MACROD2: variants seen among roughly 807,000 people sequenced by gnomAD.
MACROD2 encodes mono-ADP ribosylhydrolase 2.
A neutral mutation model predicts 70.4 loss-of-function variants in MACROD2; 36 were observed. That is an observed-to-expected ratio of 0.51 (90% CI 0.39 to 0.68). The LOEUF is 0.68. MACROD2 is among the 30% of genes least tolerant of loss of function. The pLI, the probability that MACROD2 is intolerant of heterozygous loss-of-function variation, is 0.00. For missense variants in MACROD2, 496 were observed against 538.4 expected, an observed-to-expected ratio of 0.92 and a Z score of 0.78; for synonymous variants, 172 against 178.8, an observed-to-expected ratio of 0.96 and a Z score of 0.30.
At chr20:15,360,732 C>A (rs944798200) in intron 6 of MACROD2, among the ~76,000 whole-genome samples, 2 of 152,068 alleles carry the variant, frequency 1.3e-5, no homozygotes, top group Non-Finnish European at 2.9e-5. Context: ...CAGCGTTCTT[C>A]CCCCTACCTG....
intron 8 of MACROD2, among the ~76,000 whole-genome samples, chr20:15,737,258 A>G (rs1207199051): frequency 6.6e-6 from 1 of 152,234 alleles, no homozygotes; most frequent in East Asian, 1.9e-4. Context: ...AAAGCTCTAA[A>G]CACTAGTTGG....
chr20:14,324,125 T>G (rs1039771114), intron 3 of MACROD2: 4 of 152,606 alleles, frequency 2.6e-5, no homozygotes, highest in African/African-American at 7.2e-5. Context: ...CAAGCACAAT[T>G]ATTCTGTACT....
intron 3 of MACROD2, among the ~76,000 whole-genome samples, chr20:14,151,757 G>C (rs984267899): frequency 6.8e-6 from 1 of 146,262 alleles, no homozygotes; most frequent in Admixed American, 6.8e-5. Flanking sequence ...TTGAATAATA[G>C]CTTTAGGATC....
intron 3 of MACROD2, among the ~76,000 whole-genome samples, chr20:14,348,443 A>C (rs1389448045): frequency 6.6e-6 from 1 of 152,100 alleles, no homozygotes; most frequent in Non-Finnish European, 1.5e-5. Flanking sequence ...TGTGTTATCT[A>C]CTAAATAGTG....
intron 5 of MACROD2, among the ~76,000 whole-genome samples, chr20:15,222,712 CTGTT>C (rs1309717310): frequency 6.6e-6 from 1 of 152,210 alleles, no homozygotes; most frequent in Non-Finnish European, 1.5e-5. Context: ...CTTGGTCTGA[CTGTT>C]CATTAACAGT....
intron 8 of MACROD2, among the ~76,000 whole-genome samples, chr20:15,643,413 A>G (rs983968833): frequency 6.6e-6 from 1 of 152,216 alleles, no homozygotes; most frequent in African/African-American, 2.4e-5. Context: ...ACTTTCTTTG[A>G]CCACTATAAT....
chr20:14,069,042 G>A (rs1393266627), intron 2 of MACROD2, among the ~76,000 whole-genome samples: 1 of 152,082 alleles, frequency 6.6e-6, no homozygotes, highest in Admixed American at 6.5e-5. Flanking sequence ...TCTGCTGCCT[G>A]GGTTCAAGCG....
At chr20:14,819,542 T>A (rs2072815999) in intron 5 of MACROD2, among the ~76,000 whole-genome samples, 1 of 151,996 alleles carries the variant, frequency 6.6e-6, no homozygotes, top group South Asian at 2.1e-4. Flanking sequence ...TCATACAGCT[T>A]ACCATCCGGT....
chr20:14,818,776 T>C (rs1188404927), intron 5 of MACROD2, among the ~76,000 whole-genome samples: 1 of 151,014 alleles, frequency 6.6e-6, no homozygotes, highest in Non-Finnish European at 1.5e-5. Context: ...ATAATAATTT[T>C]TCCAAATAGT....
intron 5 of MACROD2, among the ~76,000 whole-genome samples, chr20:15,022,226 C>T (rs2122969635): frequency 6.6e-6 from 1 of 152,204 alleles, no homozygotes; most frequent in South Asian, 2.1e-4. Context: ...GGTTGTATCC[C>T]TATGTTACAC....
intron 5 of MACROD2, among the ~76,000 whole-genome samples, chr20:15,214,786 A>G (rs1302013489): frequency 6.6e-6 from 1 of 152,182 alleles, no homozygotes; most frequent in Non-Finnish European, 1.5e-5. Flanking sequence ...CTTCAGGAGG[A>G]GATAAGCAGT....
chr20:14,361,277 A>T (rs778410669), intron 3 of MACROD2, among the ~76,000 whole-genome samples: 1 of 152,074 alleles, frequency 6.6e-6, no homozygotes, highest in African/African-American at 2.4e-5. Flanking sequence ...TTTTGCTTCC[A>T]TTTTTAAATC....
At chr20:15,307,936 C>G (rs892906096) in intron 6 of MACROD2, among the ~76,000 whole-genome samples, 1 of 136,550 alleles carries the variant, frequency 7.3e-6, no homozygotes, top group Non-Finnish European at 1.6e-5. Flanking sequence ...TAGGATATCC[C>G]TAATTTTGAT....
At chr20:15,138,039 C>T (rs925072345) in intron 5 of MACROD2, among the ~76,000 whole-genome samples, 2 of 152,032 alleles carry the variant, frequency 1.3e-5, no homozygotes, top group African/African-American at 4.8e-5. Context: ...TATTGACTGA[C>T]AATATCAATC....
intron 7 of MACROD2, among the ~76,000 whole-genome samples, chr20:15,458,298 A>C (rs1290046238): frequency 6.6e-6 from 1 of 152,118 alleles, no homozygotes; most frequent in East Asian, 1.9e-4. Context: ...AATGGACTCC[A>C]CCTTTTTCTC....
intron 4 of MACROD2, among the ~76,000 whole-genome samples, chr20:14,638,949 C>CAA (rs11480800): frequency 0.014 from 1,259 of 87,550 alleles, 19 homozygotes; most frequent in African/African-American, 0.038. Context: ...GACTATGTCT[C>CAA]AAAAAAAAAA....
At chr20:15,007,312 C>A (rs536096871) in intron 5 of MACROD2, among the ~76,000 whole-genome samples, 8 of 151,552 alleles carry the variant, frequency 5.3e-5, no homozygotes, top group African/African-American at 1.9e-4. Context: ...TGCGGTGAGC[C>A]GAGATTGCAC....
chr20:14,817,051 T>C (rs1302761683), intron 5 of MACROD2, among the ~76,000 whole-genome samples: 1 of 152,126 alleles, frequency 6.6e-6, no homozygotes, highest in African/African-American at 2.4e-5. Flanking sequence ...TTTCAAAATG[T>C]TATTCGAAGA....
rs189952702 is a variant in MACROD2 at position 14,024,033 on chromosome 20, C to T, written c.163+21629C>T. Among the ~76,000 whole-genome samples, 413 of 152,238 alleles carry T rather than the reference C, an allele frequency of 2.7e-3. 3 individuals are homozygous for T. Among genetic ancestry groups the T allele is most frequent in the Non-Finnish European group, 5.1e-3 (347 of 68,016 alleles). On this transcript the variant is annotated intron_variant, in intron 2 of 17. Coordinates refer to ENST00000684519, the MANE Select transcript of MACROD2 (RefSeq NM_001351661.2). ...GATACTGATTCTTCCTATCCATGAG[C>T]GTGGAATGTTTTTCCATTTGTTTGT...
Sources: gnomAD v4.1 joint callset for allele counts (sites outside exome capture counted in the v4.1 genomes callset) on GRCh38, gnomAD v4.1.1 for gene constraint, MANE v1.5 for transcripts, NCBI Gene and HGNC (gene_info 2026-07-23, HGNC 2026-07-21) for gene names.